Variants in SPAG1 observed in about 807,000 individuals in gnomAD.
SPAG1 encodes the protein sperm associated antigen 1, also known as sperm-associated antigen 1.
In SPAG1, 69 loss-of-function variants were observed where a neutral mutation model predicts 100.5. The observed-to-expected ratio is 0.69, with a 90% CI of 0.57 to 0.84. SPAG1 has a LOEUF of 0.84. Ranked by LOEUF, SPAG1 falls within the 40% of genes least tolerant of loss-of-function variation. The pLI is 0.00. For synonymous variants in SPAG1, 336 were observed against 411.6 expected (o/e 0.82, Z 2.22); for missense variants, 955 against 1,133.1 (o/e 0.84, Z 2.26).
chr8:100,221,421 A>G (rs964297005), intron 13 of SPAG1, among the ~76,000 whole-genome samples: 3 of 152,300 alleles, frequency 2.0e-5, no homozygotes, highest in Non-Finnish European at 2.9e-5. Flanking sequence ...GACTTCATCA[A>G]TTGCTTTCCG....
chr8:100,184,815 A>T, intron 7 of SPAG1, 82 bp downstream of exon 7: 1 of 766,524 alleles, frequency 1.3e-6, no homozygotes, highest in Non-Finnish European at 2.1e-6. Flanking sequence ...TAAATAAGCG[A>T]AAGTCTATGT....
chr8:100,209,751 TATAA>T (rs960617950), intron 10 of SPAG1, among the ~76,000 whole-genome samples: 1 of 152,160 alleles, frequency 6.6e-6, no homozygotes, highest in African/African-American at 2.4e-5. Context: ...TGGATGCTAT[TATAA>T]ATATAATTGT....
intron 6 of SPAG1, among the ~76,000 whole-genome samples, chr8:100,184,408 G>C (rs1239905513): frequency 6.6e-6 from 1 of 152,008 alleles, no homozygotes; most frequent in Non-Finnish European, 1.5e-5. Flanking sequence ...CCTATAAAGT[G>C]AAACGAAATC....
chr8:100,164,421 T>A lies in SPAG1; in HGVS notation c.141-1393T>A, dbSNP rs113919602. ...AACTTAGAAAAAGTAAATGATAAAA[T>A]TTTTTTTTATTTTTATTTTTTGAGA... On this transcript the variant is annotated intron_variant, in intron 2 of 18. Transcript: ENST00000388798. Among the ~76,000 whole-genome samples, 925 of 152,042 alleles carry A rather than the reference T, an allele frequency of 6.1e-3. 15 individuals carry two copies. The highest frequency in any genetic ancestry group is 0.022 in the African/African-American group (898 of 41,500).
intron 9 of SPAG1, among the ~76,000 whole-genome samples, chr8:100,192,117 C>T (rs1396392335): frequency 6.6e-6 from 1 of 152,134 alleles, no homozygotes; most frequent in African/African-American, 2.4e-5. Context: ...CATAGAGTGG[C>T]CCAGATGGAT....
intron 14 of SPAG1, among the ~76,000 whole-genome samples, chr8:100,227,414 A>G (rs1239521765): frequency 2.0e-5 from 3 of 152,160 alleles, no homozygotes; most frequent in Non-Finnish European, 4.4e-5. Context: ...TTCCTGACCC[A>G]TGATGTCCAG....
At chr8:100,234,828 A>G (rs1818930357) in intron 16 of SPAG1, among the ~76,000 whole-genome samples, 2 of 152,116 alleles carry the variant, frequency 1.3e-5, no homozygotes, top group Non-Finnish European at 2.9e-5. Context: ...CATGCTGAGG[A>G]GGCTGGACTT....
chr8:100,240,822 GTAACT>G (rs1479930688), intron 18 of SPAG1, 51 bp downstream of exon 18: 2 of 1,555,590 alleles, frequency 1.3e-6, no homozygotes, highest in Non-Finnish European at 1.7e-6. Context: ...TAGGGTTTCT[GTAACT>G]TAAAAATGTT....
intron 10 of SPAG1, among the ~76,000 whole-genome samples, chr8:100,204,067 G>A (rs528359011): frequency 6.6e-6 from 1 of 152,178 alleles, no homozygotes; most frequent in Non-Finnish European, 1.5e-5. Context: ...CCCATACCCA[G>A]TAGTGGCAAC....
chr8:100,230,075 G>T (rs2132418529), intron 14 of SPAG1, among the ~76,000 whole-genome samples: 1 of 152,282 alleles, frequency 6.6e-6, no homozygotes, highest in Non-Finnish European at 1.5e-5. Flanking sequence ...ACTCATCCCT[G>T]AACAATTGGA....
At chr8:100,195,611 G>A (rs1035665384) in intron 10 of SPAG1, among the ~76,000 whole-genome samples, 6 of 152,082 alleles carry the variant, frequency 3.9e-5, no homozygotes, top group African/African-American at 1.4e-4. Context: ...TTGTAAATAC[G>A]ATCTGGCAGC....
intron 10 of SPAG1, among the ~76,000 whole-genome samples, chr8:100,206,789 G>GGT (rs1266425087): frequency 2.0e-5 from 3 of 152,176 alleles, no homozygotes; most frequent in Non-Finnish European, 2.9e-5. Flanking sequence ...TCTTCATTTG[G>GGT]GTGTGTTACT....
intron 15 of SPAG1, 100 bp downstream of exon 15, chr8:100,231,388 T>G: frequency 1.3e-6 from 1 of 794,016 alleles, no homozygotes; most frequent in Non-Finnish European, 1.9e-6. Flanking sequence ...ATTGCCAAAG[T>G]TTTTTGTGAT....
intron 4 of SPAG1, among the ~76,000 whole-genome samples, chr8:100,180,616 CAGGGATA>C (rs551885095): frequency 6.6e-6 from 1 of 152,230 alleles, no homozygotes; most frequent in South Asian, 2.1e-4. Flanking sequence ...GTAGCTTGAG[CAGGGATA>C]AGGCATACAA....
intron 10 of SPAG1, among the ~76,000 whole-genome samples, chr8:100,197,536 C>A (rs1452528567): frequency 6.6e-6 from 1 of 152,130 alleles, no homozygotes; most frequent in Non-Finnish European, 1.5e-5. Context: ...GAGCCTTGGA[C>A]ACAAGAGAAG....
chr8:100,162,071 A>C (rs1288937757), intron 1 of SPAG1, among the ~76,000 whole-genome samples: 1 of 152,164 alleles, frequency 6.6e-6, no homozygotes, highest in East Asian at 1.9e-4. Flanking sequence ...GCTCATGCCC[A>C]TAATCCCAGC....
At chr8:100,231,755 C>T (rs1249650275) in intron 15 of SPAG1, among the ~76,000 whole-genome samples, 2 of 152,082 alleles carry the variant, frequency 1.3e-5, no homozygotes, top group African/African-American at 2.4e-5. Flanking sequence ...GTCAGGAGAT[C>T]GAGACCATCC....
At chr8:100,183,165 G>T (rs969807625) in intron 4 of SPAG1, among the ~76,000 whole-genome samples, 1 of 151,956 alleles carries the variant, frequency 6.6e-6, no homozygotes, top group Non-Finnish European at 1.5e-5. Flanking sequence ...TAGAGACGGG[G>T]TTTCACCATG....
intron 10 of SPAG1, 117 bp from the exon 11 acceptor site, chr8:100,212,973 G>C (rs965802373): frequency 2.1e-4 from 167 of 812,364 alleles, no homozygotes; most frequent in Non-Finnish European, 2.7e-4. Context: ...GGCGGTGCCC[G>C]AGCCGGCTTC....
Sources: allele counts gnomAD v4.1 joint callset (sites outside exome capture counted in the v4.1 genomes callset), GRCh38; gene constraint gnomAD v4.1.1; transcripts MANE v1.5; gene names NCBI Gene and HGNC (gene_info 2026-07-23, HGNC 2026-07-21).